The following MYL11 variants were observed in gnomAD, a reference collection of about 807,000 sequenced individuals.
MYL11 encodes the protein myosin light chain 11, also known as myosin regulatory light chain 11.
At chr16:30,377,952 C>T in the MYL11 span, 27 of 1,512,052 alleles carry the variant, frequency 1.8e-5, no homozygotes, top group Non-Finnish European at 2.1e-5. Flanking sequence ...CCGACCTCCA[C>T]CCCGGCTCCC....
chr16:30,376,177 T>A, the MYL11 span: 1 of 1,613,942 alleles, frequency 6.2e-7, no homozygotes, highest in African/African-American at 1.3e-5. Flanking sequence ...ACCGTGATGG[T>A]ATTATAGACA....
At chr16:30,375,255 C>A in the MYL11 span, among the ~76,000 whole-genome samples, 1 of 152,250 alleles carries the variant, frequency 6.6e-6, no homozygotes, top group South Asian at 2.1e-4. Flanking sequence ...CACTTGAAGC[C>A]AGGAGTTCGA....
At chr16:30,374,754 G>A in the MYL11 span, 5 of 1,462,768 alleles carry the variant, frequency 3.4e-6, no homozygotes, top group Non-Finnish European at 4.6e-6. Flanking sequence ...GTATGTTAAG[G>A]GCTCCCTGGG....
chr16:30,376,142 C>T, the MYL11 span: 3 of 1,613,686 alleles, frequency 1.9e-6, no homozygotes, highest in African/African-American at 1.3e-5. Context: ...CGGCCCTCCC[C>T]AGGCCTTCAC....
chr16:30,376,064 C>T, the MYL11 span: 13 of 1,532,242 alleles, frequency 8.5e-6, no homozygotes, highest in Admixed American at 1.4e-4. Context: ...TGGCTGAGAG[C>T]CAGCATCTGA....
At chr16:30,374,396 C>A in the MYL11 span, among the ~76,000 whole-genome samples, 1 of 152,032 alleles carries the variant, frequency 6.6e-6, no homozygotes, top group African/African-American at 2.4e-5. Context: ...ATCCTCCTGC[C>A]TCAGCTTCCC....
chr16:30,374,858 A>G, the MYL11 span: 9 of 1,613,548 alleles, frequency 5.6e-6, no homozygotes, highest in African/African-American at 1.3e-5. Flanking sequence ...GACTGAAGAC[A>G]TGGTGAGTGA....
the MYL11 span, chr16:30,373,035 T>A: frequency 6.6e-6 from 1 of 152,292 alleles, no homozygotes; most frequent in African/African-American, 2.4e-5. Context: ...GTTTCTGCAT[T>A]CATTCCTGTC....
the MYL11 span, chr16:30,375,877 A>G: frequency 6.2e-7 from 1 of 1,614,138 alleles, no homozygotes; most frequent in Non-Finnish European, 8.5e-7. Flanking sequence ...CGTCTTCTCC[A>G]TGTTCGACCA....
the MYL11 span, among the ~76,000 whole-genome samples, chr16:30,375,106 T>A: frequency 6.6e-6 from 1 of 152,156 alleles, no homozygotes; most frequent in Non-Finnish European, 1.5e-5. Flanking sequence ...ATTCCTGTAC[T>A]CCATCTTCCT....
the MYL11 span, chr16:30,376,342 T>C: frequency 3.2e-6 from 5 of 1,544,020 alleles, no homozygotes; most frequent in Non-Finnish European, 4.4e-6. Context: ...GAAAAATGAA[T>C]GGGATCAGCT....
the MYL11 span, chr16:30,374,751 A>G: frequency 6.9e-7 from 1 of 1,448,504 alleles, no homozygotes; most frequent in Admixed American, 2.3e-5. Context: ...TTGGTATGTT[A>G]AGGGCTCCCT....
At chr16:30,376,724 C>T in the MYL11 span, 6 of 1,603,520 alleles carry the variant, frequency 3.7e-6, no homozygotes, top group Admixed American at 1.7e-5. Context: ...CCCACCCTTC[C>T]GACCCTTCCC....
the MYL11 span, chr16:30,376,779 T>C: frequency 7.2e-7 from 1 of 1,388,820 alleles, no homozygotes. Flanking sequence ...CTTAAATTTC[T>C]ACCAAGGCTG....
chr16:30,372,772 T>C, the MYL11 span: 1 of 149,494 alleles, frequency 6.7e-6, no homozygotes, highest in South Asian at 2.2e-4. Context: ...CTTTCCAAGG[T>C]TCCCCAGGGT....
At chr16:30,375,796 C>T in the MYL11 span, 1 of 1,607,332 alleles carries the variant, frequency 6.2e-7, no homozygotes, top group Non-Finnish European at 8.5e-7. Flanking sequence ...CCATGGGCCC[C>T]TTTGTTCAAC....
At chr16:30,376,615 C>A in the MYL11 span, 3 of 1,614,036 alleles carry the variant, frequency 1.9e-6, no homozygotes, top group Non-Finnish European at 2.5e-6. Flanking sequence ...CTCTGACCCC[C>A]ACAGGTGCCG....
At chr16:30,375,922 G>T in the MYL11 span, 12 of 1,613,412 alleles carry the variant, frequency 7.4e-6, no homozygotes, top group Non-Finnish European at 9.3e-6. Context: ...GGTGGGTGAG[G>T]GGACGGGGAA....
chr16:30,374,845 G>A, the MYL11 span: 13 of 1,613,292 alleles, frequency 8.1e-6, no homozygotes, highest in South Asian at 5.5e-5. Context: ...CTTGCCCCCC[G>A]GAGACTGAAG....
Sources: allele counts gnomAD v4.1 joint callset (sites outside exome capture counted in the v4.1 genomes callset), GRCh38; gene constraint gnomAD v4.1.1; transcripts MANE v1.5; gene names NCBI Gene and HGNC (gene_info 2026-07-23, HGNC 2026-07-21).